The following HORMAD2 variants were observed in gnomAD, a reference collection of about 807,000 sequenced individuals.
HORMAD2 encodes HORMA domain-containing protein 2.
HORMAD2 carries 45 observed loss-of-function variants against 38.8 expected under a neutral mutation model. The observed-to-expected ratio is 1.16, with a 90% CI of 0.91 to 1.49. The LOEUF is 1.49. HORMAD2 is among the 40% of genes most tolerant of loss of function. The pLI, the probability that HORMAD2 is intolerant of heterozygous loss-of-function variation, is 0.00. For synonymous variants in HORMAD2, 126 were observed against 122.8 expected (o/e 1.03, Z -0.17); for missense variants, 338 against 367.0 (o/e 0.92, Z 0.65).
the HORMAD2 span, among the ~76,000 whole-genome samples, chr22:30,186,896 A>G: frequency 1.4e-5 from 2 of 139,976 alleles, no homozygotes; most frequent in African/African-American, 5.1e-5. Flanking sequence ...CTACGACCAA[A>G]GAAGGGGTTG....
the HORMAD2 span, among the ~76,000 whole-genome samples, chr22:30,201,253 A>G: frequency 2.6e-5 from 4 of 151,816 alleles, no homozygotes; most frequent in Non-Finnish European, 2.9e-5. Context: ...TTTCTTCTCC[A>G]TGTGTCTGTG....
At chr22:30,078,224 G>C (rs1011079651), upstream of HORMAD2, among the ~76,000 whole-genome samples, 2 of 152,144 alleles carry the variant, frequency 1.3e-5, no homozygotes, top group Admixed American at 6.5e-5. Context: ...GGGCATCCTG[G>C]GGCGACTCCG....
At chr22:30,132,311 G>C (rs1174576579) in intron 10 of HORMAD2, among the ~76,000 whole-genome samples, 1 of 152,180 alleles carries the variant, frequency 6.6e-6, no homozygotes, top group Admixed American at 6.5e-5. Context: ...GCCAGGTGCA[G>C]TGGCTGATGC....
At chr22:30,079,218 A>G (rs1246404020), upstream of HORMAD2, among the ~76,000 whole-genome samples, 4 of 151,608 alleles carry the variant, frequency 2.6e-5, no homozygotes, top group African/African-American at 9.7e-5. Flanking sequence ...GGTTCATGGG[A>G]CTCCAGGAGC....
rs565932239 is a variant in HORMAD2, at chr22:30,177,056, A to G, written c.*889A>G. The G allele has an allele frequency of 6.5e-6, 1 of 152,868 alleles. No homozygotes were observed. The highest frequency in any genetic ancestry group is 2.4e-5 in the African/African-American group (1 of 41,584). 9.5% of individuals were successfully genotyped at this position (152,868 alleles called of 1,614,324 possible). Reference sequence around the variant, plus strand: ...ATATTAAGTGTGTGACTTATGGTTAAATAAAATGAAAATACAAGACTTTTT... The same window carrying G: ...ATATTAAGTGTGTGACTTATGGTTAGATAAAATGAAAATACAAGACTTTTT... On this transcript the variant is annotated 3_prime_UTR_variant, in exon 11 of 11. Transcript: ENST00000336726.
At chr22:30,128,501 T>G (rs1419530878) in intron 10 of HORMAD2, among the ~76,000 whole-genome samples, 1 of 152,242 alleles carries the variant, frequency 6.6e-6, no homozygotes, top group Non-Finnish European at 1.5e-5. Context: ...ACATTTAGGT[T>G]AATTCTTGAT....
At chr22:30,200,600 A>C in the HORMAD2 span, among the ~76,000 whole-genome samples, 4 of 152,126 alleles carry the variant, frequency 2.6e-5, no homozygotes, top group East Asian at 7.7e-4. Context: ...TAATTTTTTA[A>C]GGGTACAACC....
At chr22:30,087,570 G>T (rs2146058344) in intron 1 of HORMAD2, among the ~76,000 whole-genome samples, 1 of 152,098 alleles carries the variant, frequency 6.6e-6, no homozygotes, top group East Asian at 1.9e-4. Context: ...AAGAAAAGAG[G>T]TTTAATTGGC....
chr22:30,196,305 C>T, the HORMAD2 span, among the ~76,000 whole-genome samples: 161 of 152,322 alleles, frequency 1.1e-3, 1 homozygote, highest in Non-Finnish European at 1.2e-3. Flanking sequence ...TGAAAGCAAG[C>T]ACGTCAAGTG....
the HORMAD2 span, among the ~76,000 whole-genome samples, chr22:30,197,379 A>G: frequency 6.6e-6 from 1 of 152,150 alleles, no homozygotes. Flanking sequence ...GTCCAAATGT[A>G]TCAGATTAAC....
At chr22:30,180,823 TC>T (rs999147698), downstream of HORMAD2, among the ~76,000 whole-genome samples, 8 of 145,516 alleles carry the variant, frequency 5.5e-5, no homozygotes, top group South Asian at 1.4e-3. Context: ...TCCCTTCCTT[TC>T]CCCCCTTCCC....
At chr22:30,101,726 A>G (rs996322003) in intron 3 of HORMAD2, among the ~76,000 whole-genome samples, 1 of 152,108 alleles carries the variant, frequency 6.6e-6, no homozygotes, top group South Asian at 2.1e-4. Flanking sequence ...AATTTCTTAC[A>G]TCTGTATTTA....
intron 10 of HORMAD2, among the ~76,000 whole-genome samples, chr22:30,159,085 T>C (rs937097854): frequency 6.6e-6 from 1 of 152,234 alleles, no homozygotes; most frequent in Non-Finnish European, 1.5e-5. Context: ...GGTGGACATC[T>C]GTAGCTTCAC....
intron 10 of HORMAD2, among the ~76,000 whole-genome samples, chr22:30,147,151 T>G (rs1398770553): frequency 1.3e-5 from 2 of 152,110 alleles, no homozygotes; most frequent in African/African-American, 4.8e-5. Context: ...CAATCAAAAC[T>G]TTACAGCCTT....
At chr22:30,152,416 T>C (rs1924806775) in intron 10 of HORMAD2, among the ~76,000 whole-genome samples, 1 of 152,120 alleles carries the variant, frequency 6.6e-6, no homozygotes, top group Non-Finnish European at 1.5e-5. Flanking sequence ...GGACTTGGAC[T>C]CCTGGGCCCA....
At chr22:30,200,677 T>TA in the HORMAD2 span, among the ~76,000 whole-genome samples, 12 of 151,780 alleles carry the variant, frequency 7.9e-5, no homozygotes, top group Non-Finnish European at 1.3e-4. Context: ...ATTAGTGCCC[T>TA]AGGACTGCTG....
At chr22:30,175,265 T>A (rs1325744908) in intron 10 of HORMAD2, among the ~76,000 whole-genome samples, 1 of 101,724 alleles carries the variant, frequency 9.8e-6, no homozygotes, top group Admixed American at 9.2e-5. Context: ...AGAATATATA[T>A]AATAATATAT....
At chr22:30,111,471 G>GT (rs915314435) in intron 5 of HORMAD2, among the ~76,000 whole-genome samples, 2 of 152,094 alleles carry the variant, frequency 1.3e-5, no homozygotes, top group African/African-American at 4.8e-5. Context: ...GGGTGACAGA[G>GT]TGAGACTCTG....
At chr22:30,139,449 G>GT (rs900757677) in intron 10 of HORMAD2, among the ~76,000 whole-genome samples, 3 of 150,466 alleles carry the variant, frequency 2.0e-5, no homozygotes, top group South Asian at 2.1e-4. Flanking sequence ...AGTTCTAATA[G>GT]TTTTTTTTAG....
Sources: gnomAD v4.1 joint callset for allele counts (sites outside exome capture counted in the v4.1 genomes callset) on GRCh38, gnomAD v4.1.1 for gene constraint, MANE v1.5 for transcripts, NCBI Gene and HGNC (gene_info 2026-07-23, HGNC 2026-07-21) for gene names.